COL12A1: variants seen among roughly 807,000 people sequenced by gnomAD.
COL12A1 encodes collagen alpha-1(XII) chain.
Under a neutral mutation model 349.7 loss-of-function variants are expected in COL12A1, and 114 were observed. That is an observed-to-expected ratio of 0.33 (90% CI 0.28 to 0.38). The LOEUF is 0.38. Among genes scored for constraint, COL12A1 ranks in the 10% least tolerant of loss-of-function variants. The pLI, the probability that COL12A1 is intolerant of heterozygous loss-of-function variation, is 1.00. For missense variants in COL12A1, 3,284 were observed against 3,756.9 expected (o/e 0.87, Z 3.29); for synonymous variants, 1,369 against 1,329.0 (o/e 1.03, Z -0.66).
rs558565437 is a variant in COL12A1, at chr6:75,204,956, C to T, written c.-36+821G>A. Among the ~76,000 whole-genome samples, 14 of 152,150 alleles carry T rather than the reference C, an allele frequency of 9.2e-5. No homozygotes were observed. The South Asian group carries it at 2.7e-3, about 29-fold the overall frequency. On this transcript the variant is annotated intron_variant, in intron 1 of 65. Transcript: ENST00000322507. Reference sequence around the variant, plus strand: ...TCGAGAGTCTCCCTGGCCCAGAGTCCCAGGGAGCCCTGAACTGGTCACTGA... The same window carrying T: ...TCGAGAGTCTCCCTGGCCCAGAGTCTCAGGGAGCCCTGAACTGGTCACTGA...
At chr6:75,136,501 C>A (rs1318293676) in intron 31 of COL12A1, among the ~76,000 whole-genome samples, 2 of 152,112 alleles carry the variant, frequency 1.3e-5, no homozygotes, top group Non-Finnish European at 2.9e-5. Context: ...TAATGCCAAC[C>A]CCTACCTTGG....
chr6:75,150,395 A>G (rs1345051724), intron 21 of COL12A1, among the ~76,000 whole-genome samples: 1 of 152,162 alleles, frequency 6.6e-6, no homozygotes, highest in African/African-American at 2.4e-5. Flanking sequence ...TACCCCTAAA[A>G]ACATCTTTAA....
At chr6:75,161,959 C>G (rs991938554) in intron 14 of COL12A1, among the ~76,000 whole-genome samples, 5 of 151,972 alleles carry the variant, frequency 3.3e-5, no homozygotes, top group African/African-American at 1.2e-4. Flanking sequence ...TGTGAAGGAC[C>G]TCTTCAAGGA....
chr6:75,200,105 T>C (rs1173453475), intron 2 of COL12A1, among the ~76,000 whole-genome samples: 1 of 152,152 alleles, frequency 6.6e-6, no homozygotes, highest in East Asian at 1.9e-4. Flanking sequence ...AATTTTGAAA[T>C]GCCCCCAACA....
chr6:75,118,861 T>A (rs555329498), intron 46 of COL12A1, among the ~76,000 whole-genome samples, 182 bp downstream of exon 46: 2 of 152,212 alleles, frequency 1.3e-5, no homozygotes, highest in Non-Finnish European at 2.9e-5. Flanking sequence ...ATACCCCATG[T>A]CATTTTTGAG....
At chr6:75,172,130 C>T (rs1353147526) in intron 13 of COL12A1, among the ~76,000 whole-genome samples, 3 of 152,142 alleles carry the variant, frequency 2.0e-5, no homozygotes, top group Non-Finnish European at 4.4e-5. Context: ...TTATCAAAGA[C>T]ACGTGCGTGT....
chr6:75,171,357 C>T (rs1220196249), intron 13 of COL12A1, among the ~76,000 whole-genome samples: 1 of 152,122 alleles, frequency 6.6e-6, no homozygotes, highest in Non-Finnish European at 1.5e-5. Flanking sequence ...AATGCCAGTG[C>T]TAATAAATCT....
chr6:75,178,034 C>T, intron 11 of COL12A1, 99 bp from the exon 12 acceptor site: 1 of 1,140,294 alleles, frequency 8.8e-7, no homozygotes, highest in Non-Finnish European at 1.2e-6. Flanking sequence ...TATACCATTT[C>T]TCTAAAGAAA....
In COL12A1 at chr6:75,113,186, A is replaced by C. The variant is rs141529820; in HGVS notation, c.7950+18T>G. Reference sequence around the variant, plus strand: ...ATTTTTTTCTAGAAATAAGACTCAAATAATCTTATGTTTTTACCTTGTGAA... The same window carrying C: ...ATTTTTTTCTAGAAATAAGACTCAACTAATCTTATGTTTTTACCTTGTGAA... On this transcript the variant is annotated intron_variant, in intron 51 of 65. Transcript: ENST00000322507. 104 of 1,329,880 alleles carry C rather than the reference A, an allele frequency of 7.8e-5. No homozygotes were observed. In the African/African-American group the frequency reaches 1.3e-3, roughly 17 times the overall value. The allele number at this position is 1,329,880 out of a possible 1,614,324, so 82.4% of individuals were successfully genotyped here.
chr6:75,135,446 C>A (rs1254041784), intron 31 of COL12A1, among the ~76,000 whole-genome samples: 1 of 152,128 alleles, frequency 6.6e-6, no homozygotes, highest in Non-Finnish European at 1.5e-5. Context: ...ATGATACCAG[C>A]CCCGTGGTAT....
chr6:75,172,406 C>G (rs1473222948), intron 13 of COL12A1, among the ~76,000 whole-genome samples: 1 of 151,934 alleles, frequency 6.6e-6, no homozygotes, highest in Non-Finnish European at 1.5e-5. Flanking sequence ...AAATGAATAC[C>G]AGAAGGCTAA....
At chr6:75,199,719 G>A (rs1770426891) in intron 2 of COL12A1, among the ~76,000 whole-genome samples, 1 of 152,176 alleles carries the variant, frequency 6.6e-6, no homozygotes. Flanking sequence ...CAGTGATGCG[G>A]TTGATAAAGT....
chr6:75,130,959 C>T lies in COL12A1; in HGVS notation c.5960G>A (p.Arg1987His), dbSNP rs201827443. The T allele has an allele frequency of 1.5e-5, 24 of 1,614,114 alleles. No homozygotes were observed. The highest frequency in any genetic ancestry group is 4.0e-5 in the African/African-American group (3 of 75,044). Residue 1987 changes from arginine (R) to histidine (H), a missense_variant, in exon 36 of 66, where the codon CGC (arginine) becomes CAC (histidine). Physicochemically the swap from Arg to His is conservative, Grantham distance 29. Coordinates refer to ENST00000322507, the MANE Select transcript of COL12A1 (RefSeq NM_004370.6). ...SESIVVPGNTRMVHLERLIPD... is the reference protein window; with the variant it reads ...SESIVVPGNTHMVHLERLIPD... ...AATCAGCCGCTCCAGATGCACCATG[C>T]GCGTGTTTCCTGGCACTACTATCTG...
Position 75,134,748 on chromosome 6 carries a change from C to A in COL12A1, c.5502G>T (p.Arg1834=). The A allele has an allele frequency of 6.2e-7, 1 of 1,608,048 alleles. No individual in the cohort carries two copies. ...TACTGGTCTTGCCTCTTCCCGTCAT[C>A]CGACCTCCTTCACCATCAGGATACA... is the stretch of plus-strand genomic sequence containing the variant. The part of the protein sequence containing the change: ...SSLYPDGEGG[R]MTGRGKTKPL... The change falls in exon 32 of 66, where the codon CGG becomes CGT. Residue 1834 remains arginine (R), a synonymous_variant. Transcript: ENST00000322507.
chr6:75,142,470 G>T (rs536879838), intron 26 of COL12A1, among the ~76,000 whole-genome samples: 1 of 152,242 alleles, frequency 6.6e-6, no homozygotes, highest in South Asian at 2.1e-4. Flanking sequence ...TTTCAGCAAT[G>T]GTCTCTTACG....
intron 33 of COL12A1, 78 bp downstream of exon 33, chr6:75,133,780 A>G (rs1332249934): frequency 6.5e-7 from 1 of 1,531,168 alleles, no homozygotes; most frequent in Non-Finnish European, 9.0e-7. Context: ...CAAACTGGTT[A>G]ACTCCTTCAG....
Position 75,180,924 on chromosome 6 carries a change from G to A in COL12A1, c.2164+15C>T. Reference sequence around the variant, plus strand: ...ATTCATTTTCTGAATAACAGTGGCAGAAACCCCATCACACCTTCTTCGGTG... The same window carrying A: ...ATTCATTTTCTGAATAACAGTGGCAAAAACCCCATCACACCTTCTTCGGTG... On this transcript the variant is annotated intron_variant, in intron 11 of 65. Transcript: ENST00000322507. 1 of 1,601,020 alleles carries A rather than the reference G, an allele frequency of 6.2e-7. No individual in the cohort carries two copies. The highest frequency in any genetic ancestry group is 1.1e-5 in the South Asian group (1 of 90,654).
Position 75,086,458 on chromosome 6 carries a change from A to G in COL12A1, c.*89T>C. The G allele has an allele frequency of 1.6e-6, 2 of 1,245,518 alleles. No individual in the cohort carries two copies. The highest frequency in any genetic ancestry group is 2.3e-6 in the Non-Finnish European group (2 of 879,860). The allele number at this position is 1,245,518 out of a possible 1,614,324, so 77.2% of individuals were successfully genotyped here. ...TGTGGTGAGATTTCCATACAGACTC[A>G]TTTCCTAATAAGCACGTGCGCAAAC... On this transcript the variant is annotated 3_prime_UTR_variant, in exon 66 of 66. Transcript: ENST00000322507.
At position 75,119,079 on chromosome 6, in the gene COL12A1, C is replaced by T. The variant is rs781647177; in HGVS notation, c.7318G>A (p.Glu2440Lys). 4.3e-6 allele frequency: 7 copies of T among 1,613,998 alleles called. No individual in the cohort carries two copies. The highest frequency in any genetic ancestry group is 1.1e-5 in the South Asian group (1 of 91,080). Residue 2440 changes from glutamate to lysine, a missense_variant, in exon 46 of 66, where the codon GAG (glutamate) becomes AAG (lysine). Physicochemically the swap from Glu to Lys is moderately conservative, Grantham distance 56. This residue lies in a region of COL12A1 where 683 missense variants were observed against 932.1 expected (regional missense o/e 0.73). Transcript: ENST00000322507. The stretch of plus-strand genomic sequence containing the variant: ...ATGACCAAAGCCGCCTTCTTGACCT[C>T]ATCCTGGGACCGACCGTCCGTGACC... ...VVVTDGRSQD[E>K]VKKAALVIQQ... is the part of the protein sequence containing the mutation.
Sources: allele counts gnomAD v4.1 joint callset (sites outside exome capture counted in the v4.1 genomes callset), GRCh38; gene constraint gnomAD v4.1.1; regional missense constraint gnomAD v4.1.1; transcripts MANE v1.5; gene names NCBI Gene and HGNC (gene_info 2026-07-23, HGNC 2026-07-21).